Variants in SCLT1 observed in about 807,000 individuals in gnomAD.
SCLT1 encodes the protein sodium channel and clathrin linker 1, also known as sodium channel-associated protein 1.
In SCLT1, 78 loss-of-function variants were observed where a neutral mutation model predicts 112.8. The observed-to-expected ratio is 0.69, with a 90% CI of 0.58 to 0.83. The LOEUF is 0.83. Among genes scored for constraint, SCLT1 ranks in the 40% least tolerant of loss-of-function variants. SCLT1 has a pLI of 0.00. For synonymous variants in SCLT1, 257 were observed against 254.7 expected (o/e 1.01, Z -0.09); for missense variants, 747 against 770.4 (o/e 0.97, Z 0.36).
chr4:128,996,873 G>A (rs1027639688), intron 8 of SCLT1, among the ~76,000 whole-genome samples: 5 of 151,790 alleles, frequency 3.3e-5, no homozygotes, highest in Non-Finnish European at 7.4e-5. Context: ...TAAAATAGGG[G>A]CTCTGTGATA....
chr4:129,035,957 A>G (rs1409659260), intron 5 of SCLT1, among the ~76,000 whole-genome samples: 1 of 151,912 alleles, frequency 6.6e-6, no homozygotes, highest in African/African-American at 2.4e-5. Flanking sequence ...AAGTATTAAA[A>G]TTTTTCCAAA....
At chr4:129,075,851 T>C (rs1751417126) in intron 2 of SCLT1, among the ~76,000 whole-genome samples, 1 of 152,164 alleles carries the variant, frequency 6.6e-6, no homozygotes, top group Non-Finnish European at 1.5e-5. Flanking sequence ...TTGCCATTTC[T>C]TTAATATAAT....
At chr4:129,007,780 T>G (rs1431054427) in intron 5 of SCLT1, among the ~76,000 whole-genome samples, 2 of 152,184 alleles carry the variant, frequency 1.3e-5, no homozygotes, top group African/African-American at 4.8e-5. Flanking sequence ...TTCCTATATG[T>G]CTTGACTTTA....
chr4:129,062,386 T>C (rs1750065341), intron 2 of SCLT1, among the ~76,000 whole-genome samples: 1 of 152,150 alleles, frequency 6.6e-6, no homozygotes, highest in African/African-American at 2.4e-5. Context: ...CTTGCAGATG[T>C]CACTTTTTCT....
intron 18 of SCLT1, among the ~76,000 whole-genome samples, chr4:128,897,122 T>A (rs1733834986): frequency 6.6e-6 from 1 of 152,052 alleles, no homozygotes; most frequent in South Asian, 2.1e-4. Flanking sequence ...CAGGAGAACT[T>A]CCCCAATCTA....
At chr4:128,977,351 T>A (rs1323926499) in intron 9 of SCLT1, among the ~76,000 whole-genome samples, 1 of 152,174 alleles carries the variant, frequency 6.6e-6, no homozygotes, top group East Asian at 1.9e-4. Context: ...ACATGTACTA[T>A]ACCAAGTACT....
chr4:129,033,314 G>A (rs1746895898), intron 5 of SCLT1, among the ~76,000 whole-genome samples: 1 of 151,416 alleles, frequency 6.6e-6, no homozygotes, highest in Non-Finnish European at 1.5e-5. Context: ...ACACAGGGAG[G>A]GGAACATCAC....
intron 5 of SCLT1, among the ~76,000 whole-genome samples, chr4:129,028,634 A>G (rs1746374716): frequency 6.6e-6 from 1 of 152,216 alleles, no homozygotes. Context: ...CTTCATGTCT[A>G]AAACACCAAA....
intron 9 of SCLT1, among the ~76,000 whole-genome samples, chr4:128,990,627 CA>C (rs992544628): frequency 4.6e-5 from 7 of 151,518 alleles, no homozygotes; most frequent in African/African-American, 1.7e-4. Context: ...GAAGGGAGCC[CA>C]AATTGGAAAG....
chr4:128,911,911 T>G (rs1735125937), intron 18 of SCLT1, among the ~76,000 whole-genome samples: 1 of 152,262 alleles, frequency 6.6e-6, no homozygotes. Flanking sequence ...CAAGATTCAA[T>G]GCATACAACT....
rs1468442757 is a variant in SCLT1 at position 128,950,505 on chromosome 4, T to C, written c.1219-1935A>G. Reference sequence around the variant, plus strand: ...ATTACTATTACAAAGTTTTTAGAGATATTTGCTTATCACCACTGACATGCC... The same window carrying C: ...ATTACTATTACAAAGTTTTTAGAGACATTTGCTTATCACCACTGACATGCC... On this transcript the variant is annotated intron_variant, in intron 14 of 20. Transcript: ENST00000281142. Among the ~76,000 whole-genome samples the C allele has an allele frequency of 4.6e-5, 7 of 152,318 alleles. No individual in the cohort carries two copies. The East Asian group carries it at 1.3e-3, about 29-fold the overall frequency.
chr4:128,958,532 C>T (rs1739406109), intron 12 of SCLT1, among the ~76,000 whole-genome samples: 1 of 150,556 alleles, frequency 6.6e-6, no homozygotes, highest in Non-Finnish European at 1.5e-5. Context: ...AATGAGTGTT[C>T]CTACTATTTT....
At chr4:128,968,605 C>T (rs1191715458) in intron 10 of SCLT1, among the ~76,000 whole-genome samples, 1 of 152,196 alleles carries the variant, frequency 6.6e-6, no homozygotes, top group Admixed American at 6.5e-5. Flanking sequence ...GCACCTCCCC[C>T]ACAAGTATAG....
intron 1 of SCLT1, among the ~76,000 whole-genome samples, chr4:129,084,309 A>C (rs937229877): frequency 1.3e-5 from 2 of 152,226 alleles, no homozygotes; most frequent in Admixed American, 1.3e-4. Context: ...TACATACTTA[A>C]AAATCAATCA....
At chr4:128,905,523 A>AC (rs1477206660) in intron 18 of SCLT1, among the ~76,000 whole-genome samples, 2 of 5,136 alleles carry the variant, frequency 3.9e-4, no homozygotes, top group Non-Finnish European at 3.7e-3. Context: ...TGCACTTTAG[A>AC]CTTTTTTTTA....
chr4:128,889,839 G>A (rs934892316), intron 19 of SCLT1, among the ~76,000 whole-genome samples: 23 of 152,122 alleles, frequency 1.5e-4, no homozygotes, highest in Non-Finnish European at 5.9e-5. Context: ...GGAAGAGTTA[G>A]AAAAACACAT....
chr4:129,000,926 T>C (rs1328343115), intron 6 of SCLT1, among the ~76,000 whole-genome samples: 4 of 151,782 alleles, frequency 2.6e-5, no homozygotes, highest in East Asian at 3.9e-4. Flanking sequence ...CCTAACACCA[T>C]AGATTAGTTT....
At chr4:128,981,817 G>A (rs1741682522) in intron 9 of SCLT1, among the ~76,000 whole-genome samples, 1 of 152,052 alleles carries the variant, frequency 6.6e-6, no homozygotes, top group African/African-American at 2.4e-5. Flanking sequence ...ACAGGAAGAA[G>A]GCATGTTTGG....
Position 129,070,698 on chromosome 4 carries a change from C to T in SCLT1, c.102+11608G>A, listed in dbSNP as rs558328088. 5.3e-5 allele frequency among the ~76,000 whole-genome samples: 8 copies of T among 152,190 alleles called. No homozygotes were observed. In the South Asian group the frequency reaches 1.7e-3, roughly 32 times the overall value. ...GGTCTATCAATTTTATTTATCCCTT[C>T]AAGGAACCAGCTTTTTGTTTTATTT... On this transcript the variant is annotated intron_variant, in intron 2 of 20. Coordinates refer to ENST00000281142, the MANE Select transcript of SCLT1 (RefSeq NM_144643.4).
Sources: gnomAD v4.1 joint callset for allele counts (sites outside exome capture counted in the v4.1 genomes callset) on GRCh38, gnomAD v4.1.1 for gene constraint, MANE v1.5 for transcripts, NCBI Gene and HGNC (gene_info 2026-07-23, HGNC 2026-07-21) for gene names.